NAALADL2: variants seen among roughly 807,000 people sequenced by gnomAD.
The protein encoded by NAALADL2 is inactive N-acetylated-alpha-linked acidic dipeptidase-like protein 2.
Under a neutral mutation model 87.2 loss-of-function variants are expected in NAALADL2, and 76 were observed. The observed-to-expected ratio is 0.87, with a 90% CI of 0.72 to 1.05. The LOEUF (loss-of-function observed/expected upper bound fraction) is 1.05. Ranked by LOEUF, NAALADL2 falls within the 50% of genes least tolerant of loss-of-function variation. The pLI is 0.00. For synonymous variants in NAALADL2, 354 were observed against 331.0 expected, an observed-to-expected ratio of 1.07 and a Z score of -0.75; for missense variants, 1,089 against 945.8, an observed-to-expected ratio of 1.15 and a Z score of -1.99.
intron 13 of NAALADL2, among the ~76,000 whole-genome samples, chr3:175,760,350 A>C (rs1458736846): frequency 6.6e-6 from 1 of 152,162 alleles, no homozygotes; most frequent in African/African-American, 2.4e-5. Flanking sequence ...CAGACTATTA[A>C]GCCTCACAGC....
At chr3:174,821,189 G>A (rs1405318546) in intron 3 of NAALADL2, among the ~76,000 whole-genome samples, 1 of 152,098 alleles carries the variant, frequency 6.6e-6, no homozygotes, top group African/African-American at 2.4e-5. Flanking sequence ...TCAATGCTTT[G>A]CTTCAGACCT....
chr3:175,324,356 G>A (rs144001178), intron 5 of NAALADL2, 31 bp downstream of exon 5: 2 of 1,576,204 alleles, frequency 1.3e-6, no homozygotes, highest in Admixed American at 3.7e-5. Context: ...TATTATACTT[G>A]TAAGTAAGCA....
intron 2 of NAALADL2, among the ~76,000 whole-genome samples, chr3:175,195,295 C>T (rs553319547): frequency 1.2e-3 from 179 of 151,664 alleles, no homozygotes; most frequent in Non-Finnish European, 2.3e-3. Flanking sequence ...CCTGATTTTA[C>T]AACACTTACA....
At chr3:174,946,342 A>C (rs951974722) in intron 1 of NAALADL2, among the ~76,000 whole-genome samples, 1 of 152,146 alleles carries the variant, frequency 6.6e-6, no homozygotes, top group African/African-American at 2.4e-5. Flanking sequence ...CAGTAATAGA[A>C]TCTATGGTAA....
At chr3:175,604,335 G>A (rs1261622908) in intron 10 of NAALADL2, among the ~76,000 whole-genome samples, 5 of 121,802 alleles carry the variant, frequency 4.1e-5, no homozygotes, top group Non-Finnish European at 6.3e-5. Context: ...ACAGAGTCTC[G>A]CTGTGTTGCC....
intron 1 of NAALADL2, among the ~76,000 whole-genome samples, chr3:175,095,930 G>A (rs536916700): frequency 6.6e-6 from 1 of 152,164 alleles, no homozygotes; most frequent in Admixed American, 6.6e-5. Flanking sequence ...AATTAGCCCA[G>A]TTTTCCTAAT....
intron 2 of NAALADL2, among the ~76,000 whole-genome samples, chr3:174,704,485 AATT>A (rs1308428850): frequency 6.6e-6 from 1 of 152,122 alleles, no homozygotes; most frequent in Non-Finnish European, 1.5e-5. Context: ...TTTAATTTTG[AATT>A]ATTAATTATA....
At chr3:174,471,923 CTGA>C (rs771802218) in intron 1 of NAALADL2, among the ~76,000 whole-genome samples, 4 of 152,170 alleles carry the variant, frequency 2.6e-5, no homozygotes, top group Non-Finnish European at 5.9e-5. Context: ...TTTTAATGAA[CTGA>C]TGATAGCTGT....
At chr3:175,317,711 A>T (rs966541309) in intron 4 of NAALADL2, among the ~76,000 whole-genome samples, 8 of 152,214 alleles carry the variant, frequency 5.3e-5, no homozygotes, top group Non-Finnish European at 7.3e-5. Flanking sequence ...AGCCCAAATC[A>T]TACAGAAATA....
chr3:175,338,622 AACACAC>A (rs202022603), intron 5 of NAALADL2, among the ~76,000 whole-genome samples: 15,473 of 88,252 alleles, frequency 0.18, 2,128 homozygotes, highest in East Asian at 0.29. Flanking sequence ...AAACACCACA[AACACAC>A]ACACACACAC....
intron 4 of NAALADL2, among the ~76,000 whole-genome samples, chr3:175,308,855 A>G (rs1385466212): frequency 1.3e-5 from 2 of 152,188 alleles, no homozygotes; most frequent in Non-Finnish European, 2.9e-5. Context: ...TGCCAACTAT[A>G]AATCTTTCTA....
intron 1 of NAALADL2, among the ~76,000 whole-genome samples, chr3:174,895,593 C>T (rs1163971888): frequency 1.3e-5 from 2 of 152,058 alleles, no homozygotes; most frequent in African/African-American, 2.4e-5. Context: ...TGAATTTTAC[C>T]AAATATTTGA....
intron 1 of NAALADL2, among the ~76,000 whole-genome samples, chr3:174,904,376 A>T (rs1732726025): frequency 6.6e-6 from 1 of 151,890 alleles, no homozygotes; most frequent in African/African-American, 2.4e-5. Context: ...GAAGTAGTTA[A>T]ATCACCTTTA....
chr3:174,779,210 T>C (rs1291153054), intron 3 of NAALADL2, among the ~76,000 whole-genome samples: 2 of 152,228 alleles, frequency 1.3e-5, no homozygotes, highest in Non-Finnish European at 2.9e-5. Context: ...GGTTTTGATT[T>C]GCATTTCTCT....
At chr3:175,681,542 A>G (rs1030328278) in intron 11 of NAALADL2, among the ~76,000 whole-genome samples, 2 of 152,242 alleles carry the variant, frequency 1.3e-5, no homozygotes, top group African/African-American at 4.8e-5. Flanking sequence ...AAAGCCTTAA[A>G]AATCATACGC....
At chr3:174,618,707 T>A (rs953354415) in intron 2 of NAALADL2, among the ~76,000 whole-genome samples, 1 of 151,996 alleles carries the variant, frequency 6.6e-6, no homozygotes, top group Admixed American at 6.6e-5. Context: ...CAAATATAAG[T>A]TCAAAAGCAC....
At chr3:175,144,382 T>A (rs1424611881) in intron 2 of NAALADL2, among the ~76,000 whole-genome samples, 1 of 151,970 alleles carries the variant, frequency 6.6e-6, no homozygotes, top group East Asian at 1.9e-4. Context: ...AGGAATTGAT[T>A]ATTGTAGAAA....
intron 1 of NAALADL2, among the ~76,000 whole-genome samples, chr3:175,085,429 T>G (rs1030016381): frequency 2.3e-4 from 35 of 152,202 alleles, no homozygotes; most frequent in Non-Finnish European, 4.4e-4. Context: ...AATTTTTGTT[T>G]TCTTCATCTT....
chr3:175,189,353 C>G (rs1049445304), intron 2 of NAALADL2, among the ~76,000 whole-genome samples: 5 of 152,144 alleles, frequency 3.3e-5, no homozygotes, highest in African/African-American at 9.7e-5. Context: ...TACAAAGAAA[C>G]TTTTAGAACC....
Sources: gnomAD v4.1 joint callset for allele counts (sites outside exome capture counted in the v4.1 genomes callset) on GRCh38, gnomAD v4.1.1 for gene constraint, MANE v1.5 for transcripts, NCBI Gene and HGNC (gene_info 2026-07-23, HGNC 2026-07-21) for gene names.